The following UNC5D variants were observed in gnomAD, a reference collection of about 807,000 sequenced individuals.
The protein encoded by UNC5D is netrin receptor UNC5D.
UNC5D carries 39 observed loss-of-function variants against 105.4 expected under a neutral mutation model. The ratio of observed to expected loss-of-function variants is 0.37; its 90% CI spans 0.29 to 0.48. UNC5D has a LOEUF of 0.48. Ranked by LOEUF, UNC5D falls within the 20% of genes least tolerant of loss-of-function variation. The pLI is 0.98. For synonymous variants in UNC5D, 452 were observed against 450.4 expected (o/e 1.00, Z -0.04); for missense variants, 991 against 1,202.4 (o/e 0.82, Z 2.60).
At chr8:35,323,994 C>A (rs1387188636) in intron 1 of UNC5D, among the ~76,000 whole-genome samples, 2 of 151,978 alleles carry the variant, frequency 1.3e-5, no homozygotes, top group Non-Finnish European at 2.9e-5. Flanking sequence ...CTTTGGGAAG[C>A]CAAGGCAGGA....
chr8:35,416,891 G>A (rs1010144533), intron 1 of UNC5D, among the ~76,000 whole-genome samples: 1 of 152,046 alleles, frequency 6.6e-6, no homozygotes, highest in Non-Finnish European at 1.5e-5. Context: ...CTATTTGAGG[G>A]TTCTTTATTT....
chr8:35,479,677 C>T (rs1471638504), intron 1 of UNC5D, among the ~76,000 whole-genome samples: 2 of 152,000 alleles, frequency 1.3e-5, no homozygotes, highest in East Asian at 3.9e-4. Context: ...TTTAAGTGAA[C>T]TAATATAGGA....
rs1438701655 is a variant in UNC5D, at chr8:35,549,111, T to C, written c.104-181T>C. 2.0e-5 allele frequency among the ~76,000 whole-genome samples: 3 copies of C among 152,220 alleles called. No individual in the cohort carries two copies. In the East Asian group the frequency reaches 5.8e-4, roughly 29 times the overall value. ...AAGCCATGGCTAGCTGGAGGCACCATATCCTCCTAGTTCAGCTTCTAGAAG... is the reference window on the plus strand; with the variant it reads ...AAGCCATGGCTAGCTGGAGGCACCACATCCTCCTAGTTCAGCTTCTAGAAG... On this transcript the variant is annotated intron_variant, in intron 1 of 16. Transcript: ENST00000404895.
chr8:35,319,675 C>T (rs3108620), intron 1 of UNC5D, among the ~76,000 whole-genome samples: 134,539 of 152,058 alleles, frequency 0.88, 59,639 homozygotes, highest in East Asian at 1. Flanking sequence ...TAAGACTGTA[C>T]TTTGGCCATT....
At chr8:35,392,583 T>C (rs1366440878) in intron 1 of UNC5D, among the ~76,000 whole-genome samples, 2 of 152,220 alleles carry the variant, frequency 1.3e-5, no homozygotes, top group Non-Finnish European at 2.9e-5. Flanking sequence ...AAGTTACACC[T>C]CTGTCTTTCA....
chr8:35,352,321 G>T (rs781229724), intron 1 of UNC5D, among the ~76,000 whole-genome samples: 3 of 151,968 alleles, frequency 2.0e-5, no homozygotes, highest in Non-Finnish European at 4.4e-5. Context: ...TTATGATCCT[G>T]TATGGAGGAA....
In UNC5D at chr8:35,463,365, T is replaced by C. The variant is rs140916972; in HGVS notation, c.104-85927T>C. Among the ~76,000 whole-genome samples the C allele has an allele frequency of 1.3e-3, 199 of 152,324 alleles. 1 individual carries two copies. Among genetic ancestry groups the C allele is most frequent in the African/African-American group, 4.7e-3 (195 of 41,576 alleles). ...TACGACAGTTTTAAACAGTCTGTTA[T>C]TGACCACTTTTTCAAACTGGGTAGG... On this transcript the variant is annotated intron_variant, in intron 1 of 16. Coordinates refer to ENST00000404895, the MANE Select transcript of UNC5D (RefSeq NM_080872.4).
intron 1 of UNC5D, among the ~76,000 whole-genome samples, chr8:35,404,667 A>G (rs11775311): frequency 0.97 from 147,420 of 152,130 alleles, 71,608 homozygotes; most frequent in East Asian, 1. Flanking sequence ...GACTCACTGC[A>G]ACCTCTGCCT....
intron 4 of UNC5D, among the ~76,000 whole-genome samples, chr8:35,641,366 C>CAAAAAAAAAAAAAAAAAAAAGA (rs377021599): frequency 6.1e-4 from 27 of 44,258 alleles, no homozygotes; most frequent in South Asian, 2.0e-3. Context: ...AAAAATAAAG[C>CAAAAAAAAAAAAAAAAAAAAGA]AAAAAAAAAA....
chr8:35,293,536 A>G (rs1306906941), intron 1 of UNC5D, among the ~76,000 whole-genome samples: 1 of 152,180 alleles, frequency 6.6e-6, no homozygotes, highest in African/African-American at 2.4e-5. Context: ...CTGGTGTGGT[A>G]TCTACTAGCT....
At chr8:35,333,129 C>T (rs1157822947) in intron 1 of UNC5D, among the ~76,000 whole-genome samples, 2 of 152,010 alleles carry the variant, frequency 1.3e-5, no homozygotes, top group Non-Finnish European at 1.5e-5. Context: ...GAGAGGACTG[C>T]CTGAGGCCAG....
At chr8:35,606,429 A>C (rs983038624) in intron 4 of UNC5D, among the ~76,000 whole-genome samples, 4 of 152,296 alleles carry the variant, frequency 2.6e-5, no homozygotes, top group Admixed American at 2.6e-4. Context: ...GGCTTTCTTT[A>C]AATTTCATTT....
intron 1 of UNC5D, among the ~76,000 whole-genome samples, chr8:35,272,221 T>C (rs1229813712): frequency 6.6e-6 from 1 of 152,200 alleles, no homozygotes; most frequent in Non-Finnish European, 1.5e-5. Context: ...TAACTATTAC[T>C]TGAAGTATAT....
chr8:35,644,109 T>A (rs551390072), intron 4 of UNC5D, among the ~76,000 whole-genome samples: 6 of 152,296 alleles, frequency 3.9e-5, no homozygotes, highest in Admixed American at 3.3e-4. Flanking sequence ...TAAATCATCA[T>A]GTATTGCGGA....
chr8:35,457,769 G>A (rs532604881), intron 1 of UNC5D, among the ~76,000 whole-genome samples: 8 of 152,228 alleles, frequency 5.3e-5, no homozygotes, highest in African/African-American at 1.7e-4. Context: ...AACCCAATGG[G>A]AAGCATCTGC....
At chr8:35,674,084 T>A (rs1221087154) in intron 4 of UNC5D, among the ~76,000 whole-genome samples, 1 of 152,202 alleles carries the variant, frequency 6.6e-6, no homozygotes, top group Non-Finnish European at 1.5e-5. Context: ...CTGGAGTGTG[T>A]GCATTCAACT....
At position 35,791,337 on chromosome 8, in the gene UNC5D, G is replaced by T. The variant is rs1400557336; in HGVS notation, c.*774G>T. 6.6e-6 allele frequency: 1 copy of T among 152,510 alleles called. No homozygotes were observed. The highest frequency in any genetic ancestry group is 1.5e-5 in the Non-Finnish European group (1 of 68,292). 9.4% of individuals were successfully genotyped at this position (152,510 alleles called of 1,614,324 possible). A position where few individuals can be genotyped will look rare whatever the true frequency, so the allele number is the denominator to read the frequency against. On this transcript the variant is annotated 3_prime_UTR_variant, in exon 17 of 17. Transcript: ENST00000404895. ...AAGTTGTTTTTTCTAACACAACAAA[G>T]TGGGACCATCTCTATTCCCATCTAA...
chr8:35,608,483 A>G (rs1820459153), intron 4 of UNC5D, among the ~76,000 whole-genome samples: 1 of 152,206 alleles, frequency 6.6e-6, no homozygotes, highest in South Asian at 2.1e-4. Flanking sequence ...CATAGGTTGC[A>G]TGTAAGCCCT....
Position 35,608,637 on chromosome 8 carries a change from C to T in UNC5D, c.570+12980C>T, listed in dbSNP as rs545019804. On this transcript the variant is annotated intron_variant, in intron 4 of 16. Coordinates refer to ENST00000404895, the MANE Select transcript of UNC5D (RefSeq NM_080872.4). ...CATCTCCACTATCTGTCATTTCAAA[C>T]TCTATGTGCATGTTTAGCTCCAACT... 2.0e-5 allele frequency among the ~76,000 whole-genome samples: 3 copies of T among 152,316 alleles called. No homozygotes were observed. In the South Asian group the frequency reaches 6.2e-4, roughly 32 times the overall value.
Sources: gnomAD v4.1 joint callset for allele counts (sites outside exome capture counted in the v4.1 genomes callset) on GRCh38, gnomAD v4.1.1 for gene constraint, MANE v1.5 for transcripts, NCBI Gene and HGNC (gene_info 2026-07-23, HGNC 2026-07-21) for gene names.